Variants in USP42 observed in about 807,000 individuals in gnomAD.
USP42 encodes ubiquitin specific peptidase 42, also known as ubiquitin carboxyl-terminal hydrolase 42.
Under a neutral mutation model 113.0 loss-of-function variants are expected in USP42, and 23 were observed. The observed-to-expected ratio is 0.20, with a 90% CI of 0.15 to 0.29. USP42 has a LOEUF of 0.29. Among genes scored for constraint, USP42 ranks in the 10% least tolerant of loss-of-function variants. The pLI is 1.00. For missense variants in USP42, 2,174 were observed against 1,779.8 expected, an observed-to-expected ratio of 1.22 and a Z score of -3.99; for synonymous variants, 933 against 699.0, an observed-to-expected ratio of 1.33 and a Z score of -5.28.
Position 6,135,951 on chromosome 7 carries a change from C to G in USP42, c.553C>G (p.Arg185Gly). The G allele has an allele frequency of 6.4e-7, 1 of 1,558,794 alleles. No homozygotes were observed. The highest frequency in any genetic ancestry group is 8.7e-7 in the Non-Finnish European group (1 of 1,143,006). ...KPMFVINEMRRIARHFRFGNQ... is the reference protein window; with the variant it reads ...KPMFVINEMRGIARHFRFGNQ... Reference sequence around the variant, plus strand: ...AATGTTTGTCATCAATGAGATGCGGCGTAAGTATTAACTATTGTAGTTTTA... The same window carrying G: ...AATGTTTGTCATCAATGAGATGCGGGGTAAGTATTAACTATTGTAGTTTTA... Residue 185 changes from arginine to glycine, a missense_variant and splice_region_variant, in exon 4 of 18, where the codon CGT becomes GGT. Physicochemically the swap from Arg to Gly is moderately radical, Grantham distance 125. Coordinates refer to ENST00000306177, the MANE Select transcript of USP42 (RefSeq NM_032172.3).
intron 3 of USP42, among the ~76,000 whole-genome samples, chr7:6,134,898 TGCCTCG>T (rs1340929513): frequency 6.6e-6 from 1 of 152,172 alleles, no homozygotes; most frequent in Non-Finnish European, 1.5e-5. Context: ...GTGATCCTCC[TGCCTCG>T]GCCTCCTGGG....
At chr7:6,106,218 C>T (rs892655948) in intron 1 of USP42, among the ~76,000 whole-genome samples, 5 of 151,588 alleles carry the variant, frequency 3.3e-5, no homozygotes, top group Non-Finnish European at 5.9e-5. Flanking sequence ...GTTTGGTTTA[C>T]TTAAGTATAA....
chr7:6,120,531 CTG>C (rs1397637837), intron 3 of USP42, among the ~76,000 whole-genome samples: 1 of 152,124 alleles, frequency 6.6e-6, no homozygotes, highest in Admixed American at 6.5e-5. Flanking sequence ...GCATGAGACA[CTG>C]TGCCCAGCCT....
intron 14 of USP42, among the ~76,000 whole-genome samples, chr7:6,153,499 G>A (rs560858256): frequency 6.6e-6 from 1 of 152,068 alleles, no homozygotes; most frequent in African/African-American, 2.4e-5. Flanking sequence ...ATTGGGCTTC[G>A]GCGAGATGTA....
In USP42 at chr7:6,139,354, A is replaced by G. The variant is rs2128503713; in HGVS notation, c.656+160A>G. The G allele has an allele frequency of 1.9e-6, 1 of 523,866 alleles. No individual in the cohort carries two copies. The highest frequency in any genetic ancestry group is 3.9e-5 in the Admixed American group (1 of 25,568). 32.5% of individuals were successfully genotyped at this position (523,866 alleles called of 1,614,324 possible). A position where few individuals can be genotyped will look rare whatever the true frequency, so the allele number is the denominator to read the frequency against. ...GCCTCTTCCTTAGGTGATGTGCATT[A>G]TTTTAAAATGGTTGAAATTTACACG... On this transcript the variant is annotated intron_variant, in intron 5 of 17. Transcript: ENST00000306177. This position sits in a 1 kb window ranked among gnomAD's most constrained non-coding sequence, Gnocchi z 4.5.
At chr7:6,099,768 G>C in the USP42 span, among the ~76,000 whole-genome samples, 1 of 150,700 alleles carries the variant, frequency 6.6e-6, no homozygotes, top group Non-Finnish European at 1.5e-5. Context: ...TTCAAGAGCA[G>C]CCTTGCCAAT....
At chr7:6,106,368 T>G (rs544819482) in intron 1 of USP42, among the ~76,000 whole-genome samples, 1 of 152,344 alleles carries the variant, frequency 6.6e-6, no homozygotes, top group African/African-American at 2.4e-5. Flanking sequence ...ATTACCTCAA[T>G]GTATGCAGAG....
chr7:6,146,337 T>TAAAA, intron 11 of USP42, 89 bp downstream of exon 11: 4 of 625,314 alleles, frequency 6.4e-6, no homozygotes, highest in South Asian at 2.3e-5. Flanking sequence ...TTCAGTGTTT[T>TAAAA]AAAAAAAAAA....
intron 1 of USP42, among the ~76,000 whole-genome samples, chr7:6,105,767 C>T (rs908118867): frequency 5.3e-5 from 8 of 152,196 alleles, no homozygotes; most frequent in African/African-American, 1.9e-4. Flanking sequence ...ACGGGGGATC[C>T]GTTGCAGATG....
chr7:6,157,143 C>T lies in USP42; in HGVS notation c.3943+88C>T, dbSNP rs1190775097. 2 of 1,446,922 alleles carry T rather than the reference C, an allele frequency of 1.4e-6. No individual in the cohort carries two copies. The highest frequency in any genetic ancestry group is 2.5e-5 in the East Asian group (1 of 40,316). 89.6% of individuals were successfully genotyped at this position (1,446,922 alleles called of 1,614,324 possible). A position where few individuals can be genotyped will look rare whatever the true frequency, so the allele number is the denominator to read the frequency against. On this transcript the variant is annotated intron_variant, in intron 16 of 17. Transcript: ENST00000306177. This position sits in a 1 kb window ranked among gnomAD's most constrained non-coding sequence, Gnocchi z 4.1. ...AGGTGATTAACATGTAGAAAGAAAA[C>T]CTCAGGTGGCATCAAAGGGCACAGT...
the USP42 span, among the ~76,000 whole-genome samples, chr7:6,095,093 TG>T: frequency 6.6e-6 from 1 of 151,262 alleles, no homozygotes; most frequent in Admixed American, 6.6e-5. Context: ...CAGCCCCACT[TG>T]GCTTTCTGTG....
rs555505068 is a variant in USP42 at position 6,145,846 on chromosome 7, G to T, written c.1131+190G>T. On this transcript the variant is annotated intron_variant, in intron 10 of 17. Transcript: ENST00000306177. ...ACACTTTGGGAGACTGAGGCTGGGGGATCACTTGAGGTCAGGAGTTCAAGA... is the reference window on the plus strand; with the variant it reads ...ACACTTTGGGAGACTGAGGCTGGGGTATCACTTGAGGTCAGGAGTTCAAGA... 7.2e-5 allele frequency among the ~76,000 whole-genome samples: 11 copies of T among 152,312 alleles called. No homozygotes were observed. In the East Asian group the frequency reaches 2.1e-3, roughly 29 times the overall value.
chr7:6,100,703 A>T (rs1790099040), upstream of USP42, among the ~76,000 whole-genome samples: 1 of 114,136 alleles, frequency 8.8e-6, no homozygotes, highest in African/African-American at 4.0e-5. Context: ...TTTTTTTGAG[A>T]CGGGAGTCTC....
the USP42 span, among the ~76,000 whole-genome samples, chr7:6,092,054 TTTC>T: frequency 2.6e-3 from 97 of 37,906 alleles, 9 homozygotes; most frequent in African/African-American, 5.5e-3. Context: ...CTTCTTCTTC[TTTC>T]TTCTTCTTCT....
In USP42 at chr7:6,159,441, G is replaced by C. The variant is rs3750064; in HGVS notation, c.3944-9G>C. 0.046 allele frequency: 74,920 copies of C among 1,613,672 alleles called. 5,722 individuals carry two copies. Among genetic ancestry groups the C allele is most frequent in the East Asian group, 0.42 (18,925 of 44,842 alleles). On this transcript the variant is annotated splice_polypyrimidine_tract_variant and intron_variant, in intron 16 of 17. Transcript: ENST00000306177. The surrounding 1 kb of genome is among the most constrained non-coding windows in gnomAD (Gnocchi z 4.1). ...CATTAAAATCTCTTTCCTGACCTTT[G>C]CTTTCTAGGTGATTGAAAACTCAGC... is the stretch of plus-strand genomic sequence containing the variant.
In USP42 at chr7:6,154,847, G is replaced by A. The variant is rs1423525359; in HGVS notation, c.3293G>A (p.Arg1098Gln). The change falls in exon 15 of 18, where the codon CGG becomes CAG. Residue 1098 changes from arginine to glutamine, a missense_variant. Coordinates refer to ENST00000306177, the MANE Select transcript of USP42 (RefSeq NM_032172.3). ...GAGCGGCCGCACAAGGACCACAACCGGGGCCGTAGGGGCTGCGAGCCGGCC... is the reference window on the plus strand; with the variant it reads ...GAGCGGCCGCACAAGGACCACAACCAGGGCCGTAGGGGCTGCGAGCCGGCC... ...LHERPHKDHN[R>Q]GRRGCEPARE... The A allele has an allele frequency of 2.6e-6, 4 of 1,531,904 alleles. No individual in the cohort carries two copies. Among genetic ancestry groups the A allele is most frequent in the African/African-American group, 2.8e-5 (2 of 71,838 alleles). 94.9% of individuals were successfully genotyped at this position (1,531,904 alleles called of 1,614,324 possible). A position where few individuals can be genotyped will look rare whatever the true frequency, so the allele number is the denominator to read the frequency against.
At chr7:6,107,708 CTCT>C (rs941651775) in intron 1 of USP42, among the ~76,000 whole-genome samples, 1 of 152,068 alleles carries the variant, frequency 6.6e-6, no homozygotes, top group Non-Finnish European at 1.5e-5. Flanking sequence ...TGCGCCCGGC[CTCT>C]TCTTTCTTTT....
At chr7:6,124,402 G>C (rs1780409950) in intron 3 of USP42, among the ~76,000 whole-genome samples, 2 of 151,372 alleles carry the variant, frequency 1.3e-5, no homozygotes, top group Non-Finnish European at 2.9e-5. Flanking sequence ...CATGTAGCTG[G>C]GACTACGGGT....
intron 3 of USP42, among the ~76,000 whole-genome samples, chr7:6,121,202 G>C (rs538747138): frequency 2.4e-4 from 37 of 152,144 alleles, no homozygotes; most frequent in African/African-American, 8.7e-4. Context: ...GGTGATAAGA[G>C]TAAAAATCCA....
Sources: allele counts gnomAD v4.1 joint callset (sites outside exome capture counted in the v4.1 genomes callset), GRCh38; gene constraint gnomAD v4.1.1; non-coding constraint Gnocchi (gnomAD v3.1); transcripts MANE v1.5; gene names NCBI Gene and HGNC (gene_info 2026-07-23, HGNC 2026-07-21).